The following PLOD1 variants were observed in gnomAD, a reference collection of about 807,000 sequenced individuals.
The protein encoded by PLOD1 is lysine hydroxylase.
In PLOD1, 70 loss-of-function variants were observed where a neutral mutation model predicts 94.7. The ratio of observed to expected loss-of-function variants is 0.74; its 90% CI spans 0.61 to 0.90. PLOD1 has a LOEUF of 0.90. PLOD1 is among the 40% of genes least tolerant of loss of function. PLOD1 has a pLI of 0.00. For missense variants in PLOD1, 905 were observed against 972.7 expected (o/e 0.93, Z 0.93); for synonymous variants, 417 against 400.2 (o/e 1.04, Z -0.50).
chr1:11,971,706 C>G (rs931892655), intron 17 of PLOD1: 1 of 152,460 alleles, frequency 6.6e-6, no homozygotes, highest in Admixed American at 6.5e-5. Flanking sequence ...TTGTCATTAA[C>G]CCTGCCTCAG....
At position 11,965,604 on chromosome 1, in the gene PLOD1, G is replaced by C. The variant is rs987293186; in HGVS notation, c.1584+11G>C. 1.4e-5 allele frequency: 21 copies of C among 1,548,750 alleles called. No homozygotes were observed. Among genetic ancestry groups the C allele is most frequent in the Non-Finnish European group, 1.8e-5 (20 of 1,120,942 alleles). ...TTCAGCAACCCCGAGGTGAGGCCAG[G>C]GTGGGCACATAGGGGCTGGGAGCAA... is the stretch of plus-strand genomic sequence containing the variant. On this transcript the variant is annotated intron_variant, in intron 14 of 18. Coordinates refer to ENST00000196061, the MANE Select transcript of PLOD1 (RefSeq NM_000302.4).
At chr1:11,950,671 A>G (rs1569689250) in intron 4 of PLOD1, 151 bp downstream of exon 4, 2 of 666,922 alleles carry the variant, frequency 3.0e-6, no homozygotes, top group Non-Finnish European at 2.6e-6. Flanking sequence ...TTCAACCCCA[A>G]ATGTGCTCCC....
chr1:11,944,440 C>A (rs898261116), intron 1 of PLOD1: 3 of 876,330 alleles, frequency 3.4e-6, no homozygotes, highest in African/African-American at 1.7e-5. Context: ...CACACACACA[C>A]ACACACACAC....
At chr1:11,948,843 G>A (rs987664106) in intron 2 of PLOD1, among the ~76,000 whole-genome samples, 3 of 152,256 alleles carry the variant, frequency 2.0e-5, no homozygotes, top group African/African-American at 7.2e-5. Flanking sequence ...CCTGCAGGGA[G>A]ACGAGTATCC....
intron 1 of PLOD1, among the ~76,000 whole-genome samples, chr1:11,936,698 T>C (rs947089715): frequency 2.0e-5 from 3 of 151,860 alleles, no homozygotes; most frequent in Non-Finnish European, 4.4e-5. Flanking sequence ...AATTTTTGTA[T>C]CTTTAGAAGA....
rs552918852 is a variant in PLOD1, at chr1:11,953,210, C to A, written c.579+475C>A. ...AGCGGGGACTACAGGCGTGCACCAC[C>A]ACGTTTGGCTGATTTTTGTATTTTT... On this transcript the variant is annotated intron_variant, in intron 5 of 18. Transcript: ENST00000196061. Among the ~76,000 whole-genome samples, 6 of 152,068 alleles carry A rather than the reference C, an allele frequency of 3.9e-5. No individual in the cohort carries two copies. The East Asian group carries it at 1.2e-3, about 30-fold the overall frequency.
At chr1:11,935,879 T>C (rs1645574726) in intron 1 of PLOD1, among the ~76,000 whole-genome samples, 1 of 152,068 alleles carries the variant, frequency 6.6e-6, no homozygotes, top group African/African-American at 2.4e-5. Context: ...GGCCTCAGCC[T>C]CCCAAAATGT....
chr1:11,936,558 T>G (rs976027944), intron 1 of PLOD1, among the ~76,000 whole-genome samples: 3 of 152,072 alleles, frequency 2.0e-5, no homozygotes, highest in African/African-American at 7.2e-5. Flanking sequence ...TGTTTCACTG[T>G]GTCCCCCAGG....
chr1:11,975,074 C>T lies in PLOD1; in HGVS notation c.*266C>T, dbSNP rs754702690. 2.4e-5 allele frequency: 13 copies of T among 530,904 alleles called. No homozygotes were observed. The highest frequency in any genetic ancestry group is 3.8e-5 in the African/African-American group (2 of 52,316). The allele number at this position is 530,904 out of a possible 1,614,324, so 32.9% of individuals were successfully genotyped here. A position where few individuals can be genotyped will look rare whatever the true frequency, so the allele number is the denominator to read the frequency against. On this transcript the variant is annotated 3_prime_UTR_variant, in exon 19 of 19. Coordinates refer to ENST00000196061, the MANE Select transcript of PLOD1 (RefSeq NM_000302.4). ...TTTTACTGCTTTGTAGTGACTCGTGCTCTCCAACCTGTCTTCCTGAAAAAC... is the reference window on the plus strand; with the variant it reads ...TTTTACTGCTTTGTAGTGACTCGTGTTCTCCAACCTGTCTTCCTGAAAAAC...
chr1:11,974,375 G>T (rs886555372), intron 18 of PLOD1, among the ~76,000 whole-genome samples: 4 of 152,154 alleles, frequency 2.6e-5, no homozygotes, highest in Non-Finnish European at 5.9e-5. Context: ...TAGAGATGGG[G>T]TCTCACCATG....
At chr1:11,965,614 T>C (rs1315935696) in intron 14 of PLOD1, 21 bp downstream of exon 14, 12 of 1,474,950 alleles carry the variant, frequency 8.1e-6, no homozygotes, top group Admixed American at 5.0e-5. Flanking sequence ...GGTGGGCACA[T>C]AGGGGCTGGG....
At chr1:11,956,042 G>C (rs1296225950) in intron 6 of PLOD1, among the ~76,000 whole-genome samples, 3 of 152,218 alleles carry the variant, frequency 2.0e-5, no homozygotes, top group African/African-American at 7.2e-5. Flanking sequence ...GATTACAGGT[G>C]TGCGCCAGCG....
chr1:11,958,687 G>C lies in PLOD1; in HGVS notation c.975+40G>C. 1 of 1,612,938 alleles carries C rather than the reference G, an allele frequency of 6.2e-7. No homozygotes were observed. The highest frequency in any genetic ancestry group is 8.5e-7 in the Non-Finnish European group (1 of 1,179,600). On this transcript the variant is annotated intron_variant, in intron 9 of 18. Coordinates refer to ENST00000196061, the MANE Select transcript of PLOD1 (RefSeq NM_000302.4). The surrounding 1 kb of genome is among the most constrained non-coding windows in gnomAD (Gnocchi z 4.3). ...CTCTGTGGGGTCGTCATGTGGCTTA[G>C]ATCCAGGGCCCAGCTTCACAAGGTA...
intron 10 of PLOD1, 79 bp downstream of exon 10, chr1:11,960,846 G>T (rs1569714017): frequency 1.3e-6 from 2 of 1,595,816 alleles, no homozygotes; most frequent in African/African-American, 1.3e-5. Flanking sequence ...AGCAGGCTGA[G>T]TGACAGGAGT....
Position 11,949,864 on chromosome 1 carries a change from A to T in PLOD1, c.260A>T (p.Lys87Met). 6.2e-7 allele frequency: 1 copy of T among 1,614,038 alleles called. No individual in the cohort carries two copies. Among genetic ancestry groups the T allele is most frequent in the East Asian group, 2.2e-5 (1 of 44,888 alleles). Residue 87 changes from lysine to methionine, a missense_variant, in exon 3 of 19, where the codon AAG becomes ATG. Coordinates refer to ENST00000196061, the MANE Select transcript of PLOD1 (RefSeq NM_000302.4). ...CGGCTGCTGAAGAAAGCTCTGGAGA[A>T]GCACGCAGACAAGGAGGATCTGGTC... is the stretch of plus-strand genomic sequence containing the variant. ...KVRLLKKALE[K>M]HADKEDLVIL...
At chr1:11,970,649 A>AT (rs750172519) in intron 16 of PLOD1, 21 bp from the exon 17 acceptor site, 1 of 1,612,634 alleles carries the variant, frequency 6.2e-7, no homozygotes, top group Non-Finnish European at 8.5e-7. Flanking sequence ...CTGCCTAAAC[A>AT]TTCACCTCGG....
intron 12 of PLOD1, 64 bp downstream of exon 12, chr1:11,964,364 G>C (rs1435775738): frequency 6.6e-7 from 1 of 1,510,432 alleles, no homozygotes. Flanking sequence ...CTGGGCTTGT[G>C]GGGCTCCCTC....
chr1:11,949,055 G>A (rs571754603), intron 2 of PLOD1, among the ~76,000 whole-genome samples: 20 of 152,298 alleles, frequency 1.3e-4, no homozygotes, highest in Non-Finnish European at 2.5e-4. Flanking sequence ...AGCAAAGTGA[G>A]GGCCTTGTGT....
chr1:11,950,986 G>C (rs995596212), intron 4 of PLOD1, among the ~76,000 whole-genome samples: 2 of 152,048 alleles, frequency 1.3e-5, no homozygotes, highest in Admixed American at 6.5e-5. Flanking sequence ...TAGAGATGGG[G>C]TATCGCCATG....
Sources: allele counts gnomAD v4.1 joint callset (sites outside exome capture counted in the v4.1 genomes callset), GRCh38; gene constraint gnomAD v4.1.1; non-coding constraint Gnocchi (gnomAD v3.1); transcripts MANE v1.5; gene names NCBI Gene and HGNC (gene_info 2026-07-23, HGNC 2026-07-21).